Variants in LPCAT2 observed in about 807,000 individuals in gnomAD.
LPCAT2 encodes the protein 1-AGP acyltransferase 11.
In LPCAT2, 58 loss-of-function variants were observed where a neutral mutation model predicts 64.7. That is an observed-to-expected ratio of 0.90 (90% CI 0.73 to 1.12). The LOEUF is 1.12. Ranked by LOEUF, LPCAT2 falls within the 50% of genes most tolerant of loss-of-function variation. The pLI is 0.00. For synonymous variants in LPCAT2, 252 were observed against 245.3 expected (o/e 1.03, Z -0.26); for missense variants, 579 against 669.8 (o/e 0.86, Z 1.50).
At chr16:55,576,343 A>T (rs142740604) in intron 12 of LPCAT2, among the ~76,000 whole-genome samples, 1 of 152,188 alleles carries the variant, frequency 6.6e-6, no homozygotes, top group East Asian at 1.9e-4. Context: ...TTTTATTTGG[A>T]TAGCACTTCA....
chr16:55,581,204 T>G (rs1187793408), intron 13 of LPCAT2, among the ~76,000 whole-genome samples: 2 of 152,202 alleles, frequency 1.3e-5, no homozygotes, highest in Non-Finnish European at 2.9e-5. Context: ...TTTCAGTAGA[T>G]CAACTGTCAT....
intron 6 of LPCAT2, 100 bp downstream of exon 6, chr16:55,532,982 A>T: frequency 1.0e-6 from 1 of 974,332 alleles, no homozygotes; most frequent in Non-Finnish European, 1.5e-6. Flanking sequence ...TGAACAGATA[A>T]ATGGTGGAAG....
intron 4 of LPCAT2, among the ~76,000 whole-genome samples, chr16:55,530,237 C>G (rs1351757505): frequency 6.6e-6 from 1 of 152,056 alleles, no homozygotes; most frequent in African/African-American, 2.4e-5. Flanking sequence ...TTAATTACCA[C>G]TTTATAGATG....
At chr16:55,582,376 G>A (rs1319611743) in intron 13 of LPCAT2, among the ~76,000 whole-genome samples, 1 of 152,002 alleles carries the variant, frequency 6.6e-6, no homozygotes, top group Non-Finnish European at 1.5e-5. Context: ...TTAAATTTTA[G>A]TTTTGTCTAA....
At chr16:55,521,169 C>A (rs1963090473) in intron 1 of LPCAT2, among the ~76,000 whole-genome samples, 1 of 151,672 alleles carries the variant, frequency 6.6e-6, no homozygotes, top group African/African-American at 2.4e-5. Flanking sequence ...CAGCATATAT[C>A]ATTATAGGCT....
intron 4 of LPCAT2, 61 bp from the exon 5 acceptor site, chr16:55,531,853 C>A: frequency 1.9e-6 from 2 of 1,068,404 alleles, no homozygotes; most frequent in South Asian, 1.3e-5. Context: ...CATAAGAAAG[C>A]GAGTAAAGAG....
At chr16:55,525,459 G>A (rs750015776) in intron 1 of LPCAT2, 49 bp from the exon 2 acceptor site, 1 of 1,535,734 alleles carries the variant, frequency 6.5e-7, no homozygotes, top group East Asian at 2.3e-5. Context: ...TGATAGCCAT[G>A]AATTAAAATA....
intron 11 of LPCAT2, among the ~76,000 whole-genome samples, chr16:55,556,449 G>A (rs1372039627): frequency 2.0e-5 from 3 of 152,050 alleles, no homozygotes; most frequent in Non-Finnish European, 2.9e-5. Context: ...TGTCCTTCAG[G>A]TGTCAAACTA....
rs111234826 is a variant in LPCAT2 at position 55,515,781 on chromosome 16, G to A, written c.171+6429G>A. ...CTATTGAAATTAAGTTGGTTGATCC[G>A]AACCAGAAAATTATTATAAGTTAAG... On this transcript the variant is annotated intron_variant, in intron 1 of 13. Coordinates refer to ENST00000262134, the MANE Select transcript of LPCAT2 (RefSeq NM_017839.5). Among the ~76,000 whole-genome samples the A allele has an allele frequency of 6.9e-3, 1,055 of 152,150 alleles. 11 individuals are homozygous for A. Among genetic ancestry groups the A allele is most frequent in the African/African-American group, 0.024 (1,001 of 41,512 alleles).
At chr16:55,554,618 T>C (rs1291184521) in intron 11 of LPCAT2, among the ~76,000 whole-genome samples, 1 of 152,246 alleles carries the variant, frequency 6.6e-6, no homozygotes, top group African/African-American at 2.4e-5. Context: ...TTCTTATTAT[T>C]TGTGTGTTCA....
In LPCAT2 at chr16:55,584,132, A is replaced by G. The variant is rs1276863888; in HGVS notation, c.*1034A>G. 1 of 152,278 alleles carries G rather than the reference A, an allele frequency of 6.6e-6. No homozygotes were observed. Among genetic ancestry groups the G allele is most frequent in the African/African-American group, 2.4e-5 (1 of 41,474 alleles). The allele number at this position is 152,278 out of a possible 1,614,324, so 9.4% of individuals were successfully genotyped here. The stretch of plus-strand genomic sequence containing the variant: ...GTAACATTGATTGCCTAATAAGAAA[A>G]TGAATTGTTTGCCACAGAGTTGAAT... On this transcript the variant is annotated 3_prime_UTR_variant, in exon 14 of 14. Coordinates refer to ENST00000262134, the MANE Select transcript of LPCAT2 (RefSeq NM_017839.5).
At chr16:55,510,794 A>G (rs1225975446) in intron 1 of LPCAT2, among the ~76,000 whole-genome samples, 2 of 152,236 alleles carry the variant, frequency 1.3e-5, no homozygotes, top group Non-Finnish European at 2.9e-5. Flanking sequence ...TACATAGACC[A>G]TTGTTCAAGA....
intron 7 of LPCAT2, among the ~76,000 whole-genome samples, chr16:55,535,392 G>C (rs1435740086): frequency 6.6e-6 from 1 of 152,046 alleles, no homozygotes; most frequent in African/African-American, 2.4e-5. Context: ...ACATTGCTTT[G>C]AAATAATAAA....
At chr16:55,541,971 C>T in intron 8 of LPCAT2, 1 of 1,204,076 alleles carries the variant, frequency 8.3e-7, no homozygotes, top group Non-Finnish European at 1.1e-6. Flanking sequence ...TTAAGATTGT[C>T]CTTTTAAAAT....
In LPCAT2 at chr16:55,574,622, CT is replaced by C. The variant is rs780495189; in HGVS notation, c.1216-6del. 6.3e-7 allele frequency: 1 copy of C among 1,597,156 alleles called. No homozygotes were observed. Among genetic ancestry groups the C allele is most frequent in the South Asian group, 1.1e-5 (1 of 90,752 alleles). The stretch of plus-strand genomic sequence containing the variant: ...GCCCTCCTAATTGATTTATCCCATC[CT>C]TTCACAGAACCATGATGGCAGCATT... On this transcript the variant is annotated splice_polypyrimidine_tract_variant and splice_region_variant and intron_variant, in intron 11 of 13. Transcript: ENST00000262134.
chr16:55,555,530 A>G (rs1963564520), intron 11 of LPCAT2, among the ~76,000 whole-genome samples: 1 of 152,214 alleles, frequency 6.6e-6, no homozygotes. Flanking sequence ...AGTAGTTTGT[A>G]AAGAAAACAT....
chr16:55,514,314 C>G (rs1191277214), intron 1 of LPCAT2, among the ~76,000 whole-genome samples: 1 of 152,140 alleles, frequency 6.6e-6, no homozygotes, highest in Non-Finnish European at 1.5e-5. Flanking sequence ...CCTTGAGGGA[C>G]TGTACAAGCA....
rs1963232082 is a variant in LPCAT2, at chr16:55,530,059, G to C, written c.642+112G>C. 4.5e-6 allele frequency: 3 copies of C among 662,610 alleles called. No homozygotes were observed. In the Admixed American group the frequency reaches 9.3e-5, roughly 20 times the overall value. The allele number at this position is 662,610 out of a possible 1,614,324, so 41.0% of individuals were successfully genotyped here. A position where few individuals can be genotyped will look rare whatever the true frequency, so the allele number is the denominator to read the frequency against. ...CAATATCTGTGGACACCTATACTAG[G>C]TATTGTTAGCATAATAGATGCAGAG... On this transcript the variant is annotated intron_variant, in intron 4 of 13. Transcript: ENST00000262134.
At chr16:55,512,204 C>T (rs1380655151) in intron 1 of LPCAT2, among the ~76,000 whole-genome samples, 1 of 152,184 alleles carries the variant, frequency 6.6e-6, no homozygotes, top group Non-Finnish European at 1.5e-5. Flanking sequence ...GCATAAGTTT[C>T]ATTATATTTG....
Sources: gnomAD v4.1 joint callset for allele counts (sites outside exome capture counted in the v4.1 genomes callset) on GRCh38, gnomAD v4.1.1 for gene constraint, MANE v1.5 for transcripts, NCBI Gene and HGNC (gene_info 2026-07-23, HGNC 2026-07-21) for gene names.